Variants in CRACD observed in about 807,000 individuals in gnomAD.
CRACD encodes capping protein-inhibiting regulator of actin dynamics.
In CRACD, 56 loss-of-function variants were observed where a neutral mutation model predicts 106.8. The observed-to-expected ratio is 0.52, with a 90% CI of 0.42 to 0.66. The LOEUF is 0.66. CRACD is among the 30% of genes least tolerant of loss of function. The pLI, the probability that CRACD is intolerant of heterozygous loss-of-function variation, is 0.00. For missense variants in CRACD, 1,730 were observed against 1,623.2 expected (o/e 1.07, Z -1.13); for synonymous variants, 754 against 670.8 (o/e 1.12, Z -1.92).
intron 2 of CRACD, among the ~76,000 whole-genome samples, chr4:56,249,702 T>A (rs559795453): frequency 6.6e-6 from 1 of 152,208 alleles, no homozygotes; most frequent in Admixed American, 6.5e-5. Context: ...TGAGCCTATC[T>A]ATTAGCTCTT....
intron 1 of CRACD, among the ~76,000 whole-genome samples, chr4:56,111,776 C>A (rs1734131777): frequency 6.6e-6 from 1 of 152,118 alleles, no homozygotes; most frequent in Non-Finnish European, 1.5e-5. Flanking sequence ...CCTCAGCCTT[C>A]CAAAGTGCTG....
chr4:56,065,075 A>G (rs1211009687), intron 1 of CRACD, among the ~76,000 whole-genome samples: 1 of 144,270 alleles, frequency 6.9e-6, no homozygotes, highest in Non-Finnish European at 1.5e-5. Flanking sequence ...TCTTGCCATG[A>G]GTCTTTTTTA....
chr4:56,309,561 A>G (rs557581063), intron 5 of CRACD, among the ~76,000 whole-genome samples: 3 of 152,142 alleles, frequency 2.0e-5, no homozygotes, highest in Non-Finnish European at 4.4e-5. Flanking sequence ...CTCTACAAAA[A>G]TTATAAAATA....
rs1330567162 is a variant in CRACD, at chr4:56,327,704, C to G, written c.3602C>G (p.Ser1201Cys). The G allele has an allele frequency of 6.2e-7, 1 of 1,614,154 alleles. No individual in the cohort carries two copies. The highest frequency in any genetic ancestry group is 8.5e-7 in the Non-Finnish European group (1 of 1,180,024). The stretch of plus-strand genomic sequence containing the variant: ...GTAAAAGAAGTCACCAAGAGGTTTT[C>G]CACCCCGGATGCTGCCCCCGTGTCA... ...PLVKEVTKRFSTPDAAPVSTE... is the reference protein window; with the variant it reads ...PLVKEVTKRFCTPDAAPVSTE... Residue 1201 changes from serine (S) to cysteine (C), a missense_variant, in exon 11 of 11, where the codon TCC (serine) becomes TGC (cysteine). Around this residue, in one of 5 missense-constraint regions of CRACD, gnomAD observed 89 missense variants for 89.6 expected, o/e 0.99. Coordinates refer to ENST00000682029, the MANE Select transcript of CRACD (RefSeq NM_001393381.1).
chr4:56,301,212 G>A (rs1030749962), intron 4 of CRACD: 11 of 1,286,614 alleles, frequency 8.5e-6, no homozygotes, highest in Non-Finnish European at 1.1e-5. Flanking sequence ...AAAAGACTGT[G>A]CTTTATTTTT....
chr4:56,147,652 G>A (rs967150923), intron 1 of CRACD, among the ~76,000 whole-genome samples: 9 of 152,200 alleles, frequency 5.9e-5, no homozygotes, highest in Admixed American at 3.9e-4. Flanking sequence ...TTGAGTGTAT[G>A]TGTAGGAGTA....
At chr4:56,075,359 T>A (rs1286010149) in intron 1 of CRACD, among the ~76,000 whole-genome samples, 3 of 152,200 alleles carry the variant, frequency 2.0e-5, no homozygotes, top group Non-Finnish European at 4.4e-5. Context: ...CTGATGCAAT[T>A]TCAAAACTTG....
intron 2 of CRACD, among the ~76,000 whole-genome samples, chr4:56,266,961 A>G (rs1742056931): frequency 6.6e-6 from 1 of 152,230 alleles, no homozygotes; most frequent in South Asian, 2.1e-4. Flanking sequence ...CCTAGTTTAT[A>G]AAATTTTATT....
At chr4:56,107,845 G>A (rs1214165663) in intron 1 of CRACD, among the ~76,000 whole-genome samples, 1 of 152,170 alleles carries the variant, frequency 6.6e-6, no homozygotes, top group Non-Finnish European at 1.5e-5. Flanking sequence ...TCCACAGAAA[G>A]GTACCTGCAT....
chr4:56,058,462 C>A (rs1263182165), intron 1 of CRACD, among the ~76,000 whole-genome samples: 1 of 152,128 alleles, frequency 6.6e-6, no homozygotes, highest in Non-Finnish European at 1.5e-5. Context: ...GAAGGGAGGT[C>A]TTTTGCCTGT....
intron 8 of CRACD, among the ~76,000 whole-genome samples, chr4:56,317,595 T>C (rs1186129219): frequency 6.6e-6 from 1 of 152,200 alleles, no homozygotes; most frequent in African/African-American, 2.4e-5. Context: ...CCTACCAGTG[T>C]CTTCACTGTA....
chr4:56,090,110 A>G (rs572146809), intron 1 of CRACD, among the ~76,000 whole-genome samples: 1 of 151,912 alleles, frequency 6.6e-6, no homozygotes, highest in African/African-American at 2.4e-5. Flanking sequence ...TTCCTTAATC[A>G]GATGCCTTAA....
At chr4:56,188,031 CCTATGA>C (rs917800390) in intron 2 of CRACD, among the ~76,000 whole-genome samples, 20 of 152,090 alleles carry the variant, frequency 1.3e-4, no homozygotes, top group South Asian at 2.1e-4. Context: ...AGAAGGCTAT[CCTATGA>C]CTGGAAGATT....
intron 8 of CRACD, among the ~76,000 whole-genome samples, chr4:56,317,089 G>A (rs565013040): frequency 1.3e-5 from 2 of 152,186 alleles, no homozygotes; most frequent in African/African-American, 2.4e-5. Context: ...GAAAAGCCTG[G>A]AACCAGATGC....
intron 1 of CRACD, among the ~76,000 whole-genome samples, chr4:56,095,276 C>A (rs974651310): frequency 6.6e-6 from 1 of 152,094 alleles, no homozygotes; most frequent in Admixed American, 6.5e-5. Context: ...TGCTTGAGCC[C>A]GGGTGGTTGG....
intron 2 of CRACD, among the ~76,000 whole-genome samples, chr4:56,268,651 G>T (rs1742169227): frequency 6.6e-6 from 1 of 152,186 alleles, no homozygotes; most frequent in Non-Finnish European, 1.5e-5. Flanking sequence ...CATATTTTCA[G>T]CCTTGGACAG....
intron 10 of CRACD, among the ~76,000 whole-genome samples, chr4:56,326,468 C>T (rs1298740939): frequency 6.6e-6 from 1 of 152,222 alleles, no homozygotes; most frequent in Non-Finnish European, 1.5e-5. Flanking sequence ...AAGAGTGGCT[C>T]TAGCTTAATA....
intron 1 of CRACD, among the ~76,000 whole-genome samples, chr4:56,134,348 G>A (rs1734929813): frequency 6.6e-6 from 1 of 152,152 alleles, no homozygotes; most frequent in Non-Finnish European, 1.5e-5. Flanking sequence ...TGTATTATCA[G>A]TGGTATTGTT....
At chr4:56,204,975 A>T (rs1014407384) in intron 2 of CRACD, among the ~76,000 whole-genome samples, 3 of 152,100 alleles carry the variant, frequency 2.0e-5, no homozygotes, top group Admixed American at 2.0e-4. Context: ...TGGGCAACAT[A>T]GCAAGACCTC....
Sources: gnomAD v4.1 joint callset for allele counts (sites outside exome capture counted in the v4.1 genomes callset) on GRCh38, gnomAD v4.1.1 for gene constraint, gnomAD v4.1.1 regional missense constraint, MANE v1.5 for transcripts, NCBI Gene and HGNC (gene_info 2026-07-23, HGNC 2026-07-21) for gene names.